The following PRKN variants were observed in gnomAD, a reference collection of about 807,000 sequenced individuals.
The protein encoded by PRKN is E3 ubiquitin-protein ligase parkin.
In PRKN, 56 loss-of-function variants were observed where a neutral mutation model predicts 59.5. The observed-to-expected ratio is 0.94, with a 90% CI of 0.76 to 1.18. The LOEUF (loss-of-function observed/expected upper bound fraction) is 1.18, where lower values mean the gene tolerates loss of function less well. Among genes scored for constraint, PRKN ranks in the 50% most tolerant of loss-of-function variants. The pLI is 0.00. For synonymous variants in PRKN, 250 were observed against 222.1 expected (o/e 1.13, Z -1.12); for missense variants, 657 against 596.4 (o/e 1.10, Z -1.06).
intron 7 of PRKN, among the ~76,000 whole-genome samples, chr6:161,743,703 G>A (rs3019450): frequency 0.67 from 101,759 of 151,882 alleles, 34,462 homozygotes; most frequent in East Asian, 0.92. Flanking sequence ...TGAGCCCCGA[G>A]GAAGGCCTCA....
At chr6:162,051,287 TC>T (rs2128284657) in intron 5 of PRKN, among the ~76,000 whole-genome samples, 1 of 152,210 alleles carries the variant, frequency 6.6e-6, no homozygotes, top group African/African-American at 2.4e-5. Context: ...GCGAGATTCT[TC>T]AGCCACGCTC....
chr6:161,568,585 T>A (rs1780741679), intron 8 of PRKN, among the ~76,000 whole-genome samples: 1 of 130,452 alleles, frequency 7.7e-6, no homozygotes, highest in Non-Finnish European at 1.7e-5. Flanking sequence ...AGAGCAAGAC[T>A]CCTTCTCAAA....
At chr6:161,733,420 G>A (rs1053926098) in intron 7 of PRKN, among the ~76,000 whole-genome samples, 4 of 152,016 alleles carry the variant, frequency 2.6e-5, no homozygotes, top group African/African-American at 9.7e-5. Flanking sequence ...AACAACACCC[G>A]GGTATAATCA....
rs564521676 is a variant in PRKN, at chr6:162,472,890, G to A, written c.8-29417C>T. Among the ~76,000 whole-genome samples, 8 of 151,410 alleles carry A rather than the reference G, an allele frequency of 5.3e-5. No individual in the cohort carries two copies. The South Asian group carries it at 1.7e-3, about 32-fold the overall frequency. ...AGAATTCAACATACTGGAAATGTGT[G>A]TGTGGCCTGAAAATTATAGCCAGCT... is the stretch of plus-strand genomic sequence containing the variant. On this transcript the variant is annotated intron_variant, in intron 1 of 11. Transcript: ENST00000366898.
chr6:162,683,813 T>C (rs1310763382), intron 1 of PRKN, among the ~76,000 whole-genome samples: 2 of 152,122 alleles, frequency 1.3e-5, no homozygotes, highest in African/African-American at 2.4e-5. Context: ...TTAAAACTTT[T>C]TTCTTTTAAA....
At chr6:162,452,442 T>C (rs566961886) in intron 1 of PRKN, among the ~76,000 whole-genome samples, 1 of 152,196 alleles carries the variant, frequency 6.6e-6, no homozygotes, top group African/African-American at 2.4e-5. Context: ...TTAGAACATA[T>C]AATATGTATG....
intron 4 of PRKN, among the ~76,000 whole-genome samples, chr6:162,124,523 T>C (rs2128306379): frequency 6.6e-6 from 1 of 152,166 alleles, no homozygotes; most frequent in East Asian, 1.9e-4. Context: ...TGATTTGAAA[T>C]GCAATTGAAA....
Position 161,962,952 on chromosome 6 carries a change from C to G in PRKN, c.734+10350G>C, listed in dbSNP as rs1780439059. Among the ~76,000 whole-genome samples, 7 of 152,016 alleles carry G rather than the reference C, an allele frequency of 4.6e-5. No homozygotes were observed. In the South Asian group the frequency reaches 1.5e-3, roughly 32 times the overall value. ...CTGAGGTCAGGAGTTCGAGACAAGA[C>G]TGGCCAACATGGCGAAACCCCGTCT... On this transcript the variant is annotated intron_variant, in intron 6 of 11. Coordinates refer to ENST00000366898, the MANE Select transcript of PRKN (RefSeq NM_004562.3).
intron 3 of PRKN, among the ~76,000 whole-genome samples, chr6:162,258,152 C>G (rs1031992006): frequency 6.6e-6 from 1 of 152,176 alleles, no homozygotes; most frequent in Admixed American, 6.5e-5. Context: ...CTGTATATTA[C>G]GGAACTCCCC....
At chr6:161,942,131 T>C (rs1052416461) in intron 6 of PRKN, among the ~76,000 whole-genome samples, 19 of 152,190 alleles carry the variant, frequency 1.2e-4, no homozygotes, top group Non-Finnish European at 2.5e-4. Context: ...TGGCAGTCAT[T>C]AAAATTGCAG....
At chr6:161,997,343 C>T (rs1421887572) in intron 5 of PRKN, among the ~76,000 whole-genome samples, 1 of 152,078 alleles carries the variant, frequency 6.6e-6, no homozygotes, top group Admixed American at 6.6e-5. Flanking sequence ...AAATCAGCCT[C>T]CTGGGGTTCT....
intron 1 of PRKN, among the ~76,000 whole-genome samples, chr6:162,510,378 G>GGTGCA (rs1366824636): frequency 7.3e-6 from 1 of 136,058 alleles, no homozygotes; most frequent in African/African-American, 3.8e-5. Context: ...GATGATGGCA[G>GGTGCA]GTGCTTTCTC....
Position 161,475,977 on chromosome 6 carries a change from G to A in PRKN, c.1083+72877C>T, listed in dbSNP as rs1791049041. On this transcript the variant is annotated intron_variant, in intron 9 of 11. Coordinates refer to ENST00000366898, the MANE Select transcript of PRKN (RefSeq NM_004562.3). This position sits in a 1 kb window ranked among gnomAD's most constrained non-coding sequence, Gnocchi z 5.3. ...CAAGGTGGGCGGATCACGAGGTCAG[G>A]AGATGGAGACCATCCTGGTTAACAC... 6.6e-6 allele frequency among the ~76,000 whole-genome samples: 1 copy of A among 152,104 alleles called. No homozygotes were observed. The highest frequency in any genetic ancestry group is 2.4e-5 in the African/African-American group (1 of 41,420).
intron 3 of PRKN, among the ~76,000 whole-genome samples, chr6:162,247,257 G>A (rs1340811970): frequency 1.3e-5 from 2 of 152,076 alleles, no homozygotes; most frequent in Admixed American, 1.3e-4. Flanking sequence ...AGAAGAAACA[G>A]TAACAGAAAA....
intron 7 of PRKN, chr6:161,716,031 T>G: frequency 1.8e-6 from 2 of 1,111,672 alleles, no homozygotes; most frequent in Non-Finnish European, 2.5e-6. Context: ...GAATTGGATC[T>G]GGTTTAGCGA....
chr6:161,399,683 C>G lies in PRKN; in HGVS notation c.1084-12806G>C, dbSNP rs1035258389. On this transcript the variant is annotated intron_variant, in intron 9 of 11. Coordinates refer to ENST00000366898, the MANE Select transcript of PRKN (RefSeq NM_004562.3). This position sits in a 1 kb window ranked among gnomAD's most constrained non-coding sequence, Gnocchi z 4.4. ...CAATGGAGTTTGCTGGAAATGATAG[C>G]CCCCAGAAAGTACCAATCCCAGTGC... 6.6e-6 allele frequency among the ~76,000 whole-genome samples: 1 copy of G among 152,034 alleles called. No individual in the cohort carries two copies. Among genetic ancestry groups the G allele is most frequent in the African/African-American group, 2.4e-5 (1 of 41,392 alleles).
chr6:162,464,597 C>T (rs1198405900), intron 1 of PRKN, among the ~76,000 whole-genome samples: 1 of 147,158 alleles, frequency 6.8e-6, no homozygotes, highest in East Asian at 2.0e-4. Context: ...GTGTGGATCA[C>T]GAGGTCAGGA....
chr6:162,507,910 C>A (rs939842411), intron 1 of PRKN, among the ~76,000 whole-genome samples: 1 of 152,140 alleles, frequency 6.6e-6, no homozygotes, highest in African/African-American at 2.4e-5. Context: ...CGAAGTAGAA[C>A]AGAAAAGGCT....
intron 7 of PRKN, among the ~76,000 whole-genome samples, chr6:161,637,913 T>G (rs1338277874): frequency 1.3e-5 from 2 of 152,176 alleles, no homozygotes; most frequent in Non-Finnish European, 2.9e-5. Context: ...GGGGCAAAGG[T>G]CTTGATCCCA....
Sources: allele counts gnomAD v4.1 joint callset (sites outside exome capture counted in the v4.1 genomes callset), GRCh38; gene constraint gnomAD v4.1.1; non-coding constraint Gnocchi (gnomAD v3.1); transcripts MANE v1.5; gene names NCBI Gene and HGNC (gene_info 2026-07-23, HGNC 2026-07-21).